The following ADCY6 variants were observed in gnomAD, a reference collection of about 807,000 sequenced individuals.
The protein encoded by ADCY6 is adenylate cyclase type 6.
ADCY6 carries 59 observed loss-of-function variants against 111.6 expected under a neutral mutation model. The observed-to-expected ratio is 0.53, with a 90% confidence interval of 0.43 to 0.66. ADCY6 has a LOEUF of 0.66. Among genes scored for constraint, ADCY6 ranks in the 30% least tolerant of loss-of-function variants. ADCY6 has a pLI of 0.00. For synonymous variants in ADCY6, 576 were observed against 642.9 expected (o/e 0.90, Z 1.57); for missense variants, 1,242 against 1,595.6 (o/e 0.78, Z 3.78).
intron 1 of ADCY6, 27 bp from the exon 2 acceptor site, chr12:48,783,465 T>C: frequency 6.2e-7 from 1 of 1,613,884 alleles, no homozygotes; most frequent in Non-Finnish European, 8.5e-7. Context: ...GAGATAGTAT[T>C]AGAGACCATC....
chr12:48,770,638 G>C, intron 20 of ADCY6, 128 bp downstream of exon 20: 2 of 859,704 alleles, frequency 2.3e-6, no homozygotes, highest in Non-Finnish European at 3.7e-6. Flanking sequence ...CTTGATATAG[G>C]AGGTCAGAGG....
At chr12:48,774,583 T>TG in intron 13 of ADCY6, 65 bp from the exon 14 acceptor site, 1 of 1,575,410 alleles carries the variant, frequency 6.3e-7, no homozygotes, top group African/African-American at 1.4e-5. Context: ...CAACCAGGGA[T>TG]GGGGCCCAGT....
intron 21 of ADCY6, 76 bp downstream of exon 21, chr12:48,768,861 C>A: frequency 6.4e-7 from 1 of 1,557,118 alleles, no homozygotes; most frequent in Non-Finnish European, 8.7e-7. Context: ...TACCCCTGTC[C>A]TAGCAGACTG....
chr12:48,778,403 T>G (rs1300084093), intron 2 of ADCY6, 146 bp from the exon 3 acceptor site: 3 of 902,130 alleles, frequency 3.3e-6, no homozygotes, highest in Non-Finnish European at 5.2e-6. Context: ...CTGCCACCCC[T>G]GCAATATATC....
Position 48,783,131 on chromosome 12 carries a change from C to G in ADCY6, c.304G>C (p.Gly102Arg). ...GCGTCGGGCGCCACCTCAGCCGTCC[C>G]GCCCGCTGTCGTTGTCACCTCGGTA... Reference protein sequence around the residue: ...EDTEVTTTAGGTAEVAPDAVP... With the variant: ...EDTEVTTTAGRTAEVAPDAVP... Residue 102 changes from glycine (G) to arginine (R), a missense_variant, in exon 2 of 22, where the codon GGG (glycine) becomes CGG (arginine). Gly to Arg is a moderately radical substitution (Grantham distance 125). Coordinates refer to ENST00000357869, the MANE Select transcript of ADCY6 (RefSeq NM_015270.5). 6.2e-7 allele frequency: 1 copy of G among 1,608,468 alleles called. No individual in the cohort carries two copies. Among genetic ancestry groups the G allele is most frequent in the South Asian group, 1.1e-5 (1 of 90,974 alleles).
At chr12:48,789,189 G>C (rs1332281253), upstream of ADCY6, 1 of 152,202 alleles carries the variant, frequency 6.6e-6, no homozygotes, top group Admixed American at 6.5e-5. Context: ...CTCCCCAGAA[G>C]TGGGGGCCGA....
Position 48,776,068 on chromosome 12 carries a change from G to C in ADCY6, c.1701C>G (p.Ala567=), listed in dbSNP as rs1339667584. 3 of 1,613,660 alleles carry C rather than the reference G, an allele frequency of 1.9e-6. No homozygotes were observed. The South Asian group carries it at 3.3e-5, about 18-fold the overall frequency. The change falls in exon 9 of 22, where the codon GCC becomes GCG. Residue 567 remains alanine (A), a synonymous_variant. Transcript: ENST00000357869. This position sits in a 1 kb window ranked among gnomAD's most constrained non-coding sequence, Gnocchi z 6.1. ...QKRKEEKAML[A]KLQRTRANSM... ...AGTTGGCCCGAGTCCGCTGCAGCTT[G>C]GCCAGCATGGCCTTCTCCTCTTTCT... is the stretch of plus-strand genomic sequence containing the variant.
rs763047542 is a variant in ADCY6 at position 48,776,591 on chromosome 12, G to A, written c.1377-5C>T. Reference sequence around the variant, plus strand: ...CCTGTCACCTCACGTACCAGCCTGGGAGGATGCAGCCCCAGATCAGCTCCT... The same window carrying A: ...CCTGTCACCTCACGTACCAGCCTGGAAGGATGCAGCCCCAGATCAGCTCCT... On this transcript the variant is annotated splice_polypyrimidine_tract_variant and splice_region_variant and intron_variant, in intron 6 of 21. Coordinates refer to ENST00000357869, the MANE Select transcript of ADCY6 (RefSeq NM_015270.5). The surrounding 1 kb of genome is among the most constrained non-coding windows in gnomAD (Gnocchi z 6.1). 20 of 1,603,902 alleles carry A rather than the reference G, an allele frequency of 1.2e-5. No homozygotes were observed. The South Asian group carries it at 1.3e-4, about 11-fold the overall frequency.
chr12:48,773,887 G>A (rs1300011350), intron 15 of ADCY6, 53 bp downstream of exon 15: 1 of 1,596,494 alleles, frequency 6.3e-7, no homozygotes, highest in Non-Finnish European at 8.5e-7. Flanking sequence ...GCACAGAAGG[G>A]CCAATGTCTG....
intron 10 of ADCY6, 49 bp from the exon 11 acceptor site, chr12:48,775,499 G>A (rs1565646702): frequency 6.2e-7 from 1 of 1,609,096 alleles, no homozygotes; most frequent in Non-Finnish European, 8.5e-7. Flanking sequence ...ATGGCCATGT[G>A]AGAAACAATG....
At chr12:48,773,391 G>C (rs1485498276) in intron 16 of ADCY6, 78 bp downstream of exon 16, 18 of 1,497,650 alleles carry the variant, frequency 1.2e-5, no homozygotes. Context: ...AAGGGGCATG[G>C]GCACCAGAGA....
rs1309201149 is a variant in ADCY6 at position 48,776,361 on chromosome 12, C to A, written c.1536-11G>T. On this transcript the variant is annotated splice_polypyrimidine_tract_variant and intron_variant, in intron 7 of 21. Coordinates refer to ENST00000357869, the MANE Select transcript of ADCY6 (RefSeq NM_015270.5). This position sits in a 1 kb window ranked among gnomAD's most constrained non-coding sequence, Gnocchi z 6.1. The stretch of plus-strand genomic sequence containing the variant: ...GTGATGTGGATGCGGCTGTATGTGG[C>A]CAAGAGGGTGAGACCCTGGCTCTCC... 1 of 1,614,034 alleles carries A rather than the reference C, an allele frequency of 6.2e-7. No individual in the cohort carries two copies.
Position 48,771,236 on chromosome 12 carries a change from T to C in ADCY6, c.3052-266A>G, listed in dbSNP as rs1398411789. 1.9e-6 allele frequency: 1 copy of C among 537,654 alleles called. No homozygotes were observed. The highest frequency in any genetic ancestry group is 1.9e-5 in the African/African-American group (1 of 52,752). 33.3% of individuals were successfully genotyped at this position (537,654 alleles called of 1,614,324 possible). On this transcript the variant is annotated intron_variant, in intron 19 of 21. Coordinates refer to ENST00000357869, the MANE Select transcript of ADCY6 (RefSeq NM_015270.5). This position sits in a 1 kb window ranked among gnomAD's most constrained non-coding sequence, Gnocchi z 4.3. ...GACCCACAAGTGCAATATTAAGCAA[T>C]TTCTCCAATCCTTACCTTTTGGGAT...
At chr12:48,778,872 A>ATTTTTTTTTTTTTTTTT (rs1037254707) in intron 2 of ADCY6, among the ~76,000 whole-genome samples, 5 of 72,414 alleles carry the variant, frequency 6.9e-5, no homozygotes, top group African/African-American at 3.0e-4. Flanking sequence ...TGAATAACAC[A>ATTTTTTTTTTTTTTTTT]TTTTTTTTTT....
intron 2 of ADCY6, among the ~76,000 whole-genome samples, chr12:48,780,087 G>A (rs980652890): frequency 4.6e-5 from 7 of 152,170 alleles, no homozygotes; most frequent in African/African-American, 7.2e-5. Flanking sequence ...AAGGGAAGGG[G>A]GGCAAACCAG....
intron 1 of ADCY6, among the ~76,000 whole-genome samples, chr12:48,784,325 A>G (rs1433864691): frequency 6.6e-6 from 1 of 151,208 alleles, no homozygotes; most frequent in Admixed American, 6.6e-5. Context: ...GAAATAAAAT[A>G]AAATAAAATA....
rs777526738 is a variant in ADCY6, at chr12:48,777,225, G to C, written c.1255C>G (p.His419Asp). Reference sequence around the variant, plus strand: ...CCCAAGATCTTGATCCTCAGGCAGTGATTCTCCTGAATGGGAAGGAATTGG... The same window carrying C: ...CCCAAGATCTTGATCCTCAGGCAGTCATTCTCCTGAATGGGAAGGAATTGG... Reference protein sequence around the residue: ...ARFDKLAAENHCLRIKILGDC... With the variant: ...ARFDKLAAENDCLRIKILGDC... Residue 419 changes from histidine to aspartate, a missense_variant, in exon 6 of 22, where the codon CAC becomes GAC. Around this residue, in one of 4 missense-constraint regions of ADCY6, gnomAD observed 260 missense variants for 414.6 expected, o/e 0.63. Coordinates refer to ENST00000357869, the MANE Select transcript of ADCY6 (RefSeq NM_015270.5). The surrounding 1 kb of genome is among the most constrained non-coding windows in gnomAD (Gnocchi z 4.9). 1.2e-6 allele frequency: 2 copies of C among 1,613,064 alleles called. No individual in the cohort carries two copies. The highest frequency in any genetic ancestry group is 1.7e-6 in the Non-Finnish European group (2 of 1,179,650).
At position 48,768,435 on chromosome 12, in the gene ADCY6, A is replaced by T; in HGVS notation, c.*156T>A. The T allele has an allele frequency of 9.3e-7, 1 of 1,072,830 alleles. No individual in the cohort carries two copies. The highest frequency in any genetic ancestry group is 1.4e-6 in the Non-Finnish European group (1 of 730,572). 66.5% of individuals were successfully genotyped at this position (1,072,830 alleles called of 1,614,324 possible). A position where few individuals can be genotyped will look rare whatever the true frequency, so the allele number is the denominator to read the frequency against. ...CCCTTGTTTTCCAGCTTGAGGGCAG[A>T]CGAGCATGATCCAAGCACAGCCTGC... On this transcript the variant is annotated 3_prime_UTR_variant, in exon 22 of 22. Coordinates refer to ENST00000357869, the MANE Select transcript of ADCY6 (RefSeq NM_015270.5).
In ADCY6 at chr12:48,769,084, A is replaced by C. The variant is rs145562725; in HGVS notation, c.3257-23T>G. The C allele has an allele frequency of 7.2e-4, 1,155 of 1,595,758 alleles. 2 individuals carry two copies. Among genetic ancestry groups the C allele is most frequent in the Non-Finnish European group, 9.4e-4 (1,101 of 1,169,272 alleles). ...GCCCTGAGGTGGAGAGAACAGCAAG[A>C]GACTAGTGGATGCTCCAGGGTAAAC... On this transcript the variant is annotated intron_variant, in intron 20 of 21. Coordinates refer to ENST00000357869, the MANE Select transcript of ADCY6 (RefSeq NM_015270.5).
Sources: allele counts gnomAD v4.1 joint callset (sites outside exome capture counted in the v4.1 genomes callset), GRCh38; gene constraint gnomAD v4.1.1; regional missense constraint gnomAD v4.1.1; non-coding constraint Gnocchi (gnomAD v3.1); transcripts MANE v1.5; gene names NCBI Gene and HGNC (gene_info 2026-07-23, HGNC 2026-07-21).